CDS1: variants seen among roughly 807,000 people sequenced by gnomAD.
CDS1 encodes CDP-diacylglycerol synthase 1.
Under a neutral mutation model 62.1 loss-of-function variants are expected in CDS1, and 41 were observed. That is an observed-to-expected ratio of 0.66 (90% CI 0.51 to 0.86). The LOEUF (loss-of-function observed/expected upper bound fraction) is 0.86. Ranked by LOEUF, CDS1 falls within the 40% of genes least tolerant of loss-of-function variation. The pLI is 0.00. For synonymous variants in CDS1, 185 were observed against 192.6 expected (o/e 0.96, Z 0.32); for missense variants, 470 against 550.1 (o/e 0.85, Z 1.46).
intron 2 of CDS1, among the ~76,000 whole-genome samples, chr4:84,608,935 T>G (rs945235037): frequency 1.3e-5 from 2 of 151,922 alleles, no homozygotes; most frequent in Non-Finnish European, 2.9e-5. Flanking sequence ...TCCCAGCACT[T>G]TGGGAGGCCG....
In CDS1 at chr4:84,622,594, AAATAAT is replaced by A. The variant is rs555333927; in HGVS notation, c.580+3076_580+3081del. ...GGCGACAGAGCGAGACTCCATCTCA[AAATAAT>A]AATAATAATAATAAAAGAACAATTG... is the stretch of plus-strand genomic sequence containing the variant. On this transcript the variant is annotated intron_variant, in intron 5 of 12. Coordinates refer to ENST00000295887, the MANE Select transcript of CDS1 (RefSeq NM_001263.4). 3.9e-5 allele frequency among the ~76,000 whole-genome samples: 6 copies of A among 152,010 alleles called. No homozygotes were observed. In the South Asian group the frequency reaches 1.2e-3, roughly 32 times the overall value.
At chr4:84,632,420 A>G (rs1724050528) in intron 6 of CDS1, among the ~76,000 whole-genome samples, 2 of 152,206 alleles carry the variant, frequency 1.3e-5, no homozygotes, top group Admixed American at 6.5e-5. Context: ...AACTGTAGCT[A>G]GTACAACTGT....
Position 84,604,314 on chromosome 4 carries a change from A to G in CDS1, c.189A>G (p.Pro63=). ...RTDSDIPEIP[P]SSDRTPEILK... ...ATTCTGATATTCCGGAAATTCCACC[A>G]TCCTCAGATAGAACCCCTGAGATTC... Residue 63 remains proline, a synonymous_variant, in exon 2 of 13, where the codon CCA becomes CCG. Coordinates refer to ENST00000295887, the MANE Select transcript of CDS1 (RefSeq NM_001263.4). The G allele has an allele frequency of 1.2e-6, 2 of 1,612,810 alleles. No individual in the cohort carries two copies. The highest frequency in any genetic ancestry group is 1.1e-5 in the South Asian group (1 of 91,038).
chr4:84,618,624 A>T (rs1175328487), intron 4 of CDS1, among the ~76,000 whole-genome samples: 1 of 152,198 alleles, frequency 6.6e-6, no homozygotes, highest in Non-Finnish European at 1.5e-5. Context: ...ACTACCGTTG[A>T]TGAGACATTC....
intron 1 of CDS1, among the ~76,000 whole-genome samples, chr4:84,600,027 A>G (rs1275596308): frequency 6.6e-6 from 1 of 152,220 alleles, no homozygotes; most frequent in Non-Finnish European, 1.5e-5. Flanking sequence ...CAGTTCCTCC[A>G]GATTTTCTCC....
At chr4:84,648,532 T>C in intron 12 of CDS1, 25 bp from the exon 13 acceptor site, 1 of 1,608,192 alleles carries the variant, frequency 6.2e-7, no homozygotes, top group Non-Finnish European at 8.5e-7. Flanking sequence ...AACACGAACT[T>C]GTCTTCTTTG....
At chr4:84,638,325 A>G (rs920302965) in intron 8 of CDS1, among the ~76,000 whole-genome samples, 4 of 152,324 alleles carry the variant, frequency 2.6e-5, no homozygotes, top group African/African-American at 9.6e-5. Flanking sequence ...GGAAATGGAC[A>G]TAGATTGTGA....
chr4:84,592,984 A>G (rs1163714690), intron 1 of CDS1, among the ~76,000 whole-genome samples: 1 of 152,226 alleles, frequency 6.6e-6, no homozygotes, highest in Non-Finnish European at 1.5e-5. Context: ...ATGAATATTT[A>G]TTAAGCCCAT....
At chr4:84,641,985 G>T in intron 10 of CDS1, among the ~76,000 whole-genome samples, 1 of 152,254 alleles carries the variant, frequency 6.6e-6, no homozygotes, top group Non-Finnish European at 1.5e-5. Flanking sequence ...TATACTGCTA[G>T]TGTTTGATTA....
chr4:84,618,842 T>C (rs547761203), intron 4 of CDS1, among the ~76,000 whole-genome samples: 81 of 152,188 alleles, frequency 5.3e-4, no homozygotes, highest in Non-Finnish European at 9.1e-4. Context: ...CCTCCTAATC[T>C]TCCTGAGGAC....
chr4:84,607,705 G>A (rs1175337612), intron 2 of CDS1, among the ~76,000 whole-genome samples: 4 of 151,978 alleles, frequency 2.6e-5, no homozygotes, highest in African/African-American at 9.7e-5. Context: ...AGACCAGCCT[G>A]GGCAAGATAG....
At chr4:84,620,214 T>C (rs891720970) in intron 5 of CDS1, among the ~76,000 whole-genome samples, 12 of 148,184 alleles carry the variant, frequency 8.1e-5, no homozygotes, top group South Asian at 4.2e-4. Context: ...TCAGGGTAAT[T>C]AGTTGTTTTT....
intron 10 of CDS1, among the ~76,000 whole-genome samples, chr4:84,642,316 AAC>A (rs1724411273): frequency 6.6e-6 from 1 of 151,662 alleles, no homozygotes; most frequent in Non-Finnish European, 1.5e-5. Flanking sequence ...ACAAGAGTGA[AAC>A]TCTGCCTCAA....
rs773293551 is a variant in CDS1 at position 84,583,393 on chromosome 4, G to A, written c.-9G>A. 1.7e-5 allele frequency: 27 copies of A among 1,590,772 alleles called. No individual in the cohort carries two copies. The Middle Eastern group carries it at 1.1e-3, about 63-fold the overall frequency. The stretch of plus-strand genomic sequence containing the variant: ...TGAGGAGGCCGCCACGGCAGCGCGG[G>A]AGCGGAAGATGTTGGAGCTGAGGCA... On this transcript the variant is annotated 5_prime_UTR_variant, in exon 1 of 13. Coordinates refer to ENST00000295887, the MANE Select transcript of CDS1 (RefSeq NM_001263.4).
rs115621798 is a variant in CDS1 at position 84,622,731 on chromosome 4, G to A, written c.580+3198G>A. ...GTAAACAGCAACCCTGCACCCCACC[G>A]CTTTGAGAGTTTTTCCTTTTCTGTA... On this transcript the variant is annotated intron_variant, in intron 5 of 12. Transcript: ENST00000295887. Among the ~76,000 whole-genome samples the A allele has an allele frequency of 9.9e-3, 1,500 of 152,192 alleles. 22 individuals carry two copies. The highest frequency in any genetic ancestry group is 0.034 in the African/African-American group (1,397 of 41,536).
In CDS1 at chr4:84,627,104, C is replaced by G. The variant is rs73831549; in HGVS notation, c.581-4715C>G. ...TTCTGTTAAACAATATTCCAAGTGCCCTGTGAAAATTTTAGTTCTATTACA... is the reference window on the plus strand; with the variant it reads ...TTCTGTTAAACAATATTCCAAGTGCGCTGTGAAAATTTTAGTTCTATTACA... On this transcript the variant is annotated intron_variant, in intron 5 of 12. Coordinates refer to ENST00000295887, the MANE Select transcript of CDS1 (RefSeq NM_001263.4). 6.9e-3 allele frequency among the ~76,000 whole-genome samples: 1,057 copies of G among 152,134 alleles called. 14 individuals are homozygous for G. The highest frequency in any genetic ancestry group is 0.024 in the African/African-American group (1,012 of 41,494).
chr4:84,599,612 A>G (rs930956896), intron 1 of CDS1, among the ~76,000 whole-genome samples: 6 of 151,510 alleles, frequency 4.0e-5, no homozygotes, highest in African/African-American at 9.7e-5. Context: ...TAAATGGAAT[A>G]ATATAATACG....
intron 1 of CDS1, among the ~76,000 whole-genome samples, chr4:84,601,594 G>A (rs566114967): frequency 4.6e-5 from 7 of 152,170 alleles, no homozygotes; most frequent in South Asian, 2.1e-4. Context: ...AAGCAGCTAC[G>A]AATTTTTAGG....
rs1724652559 is a variant in CDS1 at position 84,649,409 on chromosome 4, G to A, written c.*723G>A. On this transcript the variant is annotated 3_prime_UTR_variant, in exon 13 of 13. Coordinates refer to ENST00000295887, the MANE Select transcript of CDS1 (RefSeq NM_001263.4). ...AAGAGCAACAAGGAAGAATTCTGCTGTGAAGAACACAGTGTACGGATCCTC... is the reference window on the plus strand; with the variant it reads ...AAGAGCAACAAGGAAGAATTCTGCTATGAAGAACACAGTGTACGGATCCTC... 6.6e-6 allele frequency: 1 copy of A among 152,294 alleles called. No homozygotes were observed. The highest frequency in any genetic ancestry group is 2.1e-4 in the South Asian group (1 of 4,828). The allele number at this position is 152,294 out of a possible 1,614,324, so 9.4% of individuals were successfully genotyped here.
Sources: allele counts gnomAD v4.1 joint callset (sites outside exome capture counted in the v4.1 genomes callset), GRCh38; gene constraint gnomAD v4.1.1; transcripts MANE v1.5; gene names NCBI Gene and HGNC (gene_info 2026-07-23, HGNC 2026-07-21).